ANO2: variants seen among roughly 807,000 people sequenced by gnomAD.
ANO2 encodes anoctamin 2, also known as anoctamin-2.
A neutral mutation model predicts 124.2 loss-of-function variants in ANO2; 101 were observed. That is an observed-to-expected ratio of 0.81 (90% CI 0.69 to 0.96). The LOEUF (loss-of-function observed/expected upper bound fraction) is 0.96. Among genes scored for constraint, ANO2 ranks in the 40% least tolerant of loss-of-function variants. ANO2 has a pLI of 0.00. For synonymous variants in ANO2, 486 were observed against 482.5 expected, an observed-to-expected ratio of 1.01 and a Z score of -0.09; for missense variants, 1,293 against 1,274.5, an observed-to-expected ratio of 1.01 and a Z score of -0.22.
rs112119370 is a variant in ANO2, at chr12:5,714,251, G to A, written c.1545+18269C>T. Among the ~76,000 whole-genome samples, 766 of 152,282 alleles carry A rather than the reference G, an allele frequency of 5.0e-3. 8 individuals are homozygous for A. Among genetic ancestry groups the A allele is most frequent in the Non-Finnish European group, 5.2e-3 (355 of 68,020 alleles). On this transcript the variant is annotated intron_variant, in intron 14 of 24. Coordinates refer to ENST00000682330, the MANE Select transcript of ANO2 (RefSeq NM_001364791.2). Reference sequence around the variant, plus strand: ...GACCTCAATCTCTGCTTATGTGTCCGAGTCTCTGAGTCTAAAGGAAGGTCA... The same window carrying A: ...GACCTCAATCTCTGCTTATGTGTCCAAGTCTCTGAGTCTAAAGGAAGGTCA...
intron 10 of ANO2, among the ~76,000 whole-genome samples, chr12:5,761,885 C>T (rs1399079665): frequency 1.3e-5 from 2 of 152,090 alleles, no homozygotes; most frequent in African/African-American, 4.8e-5. Flanking sequence ...TATTTAACTT[C>T]AGAGTTCTTG....
chr12:5,576,104 TCTGA>T, intron 22 of ANO2, 89 bp from the exon 23 acceptor site: 1 of 1,319,244 alleles, frequency 7.6e-7, no homozygotes, highest in Non-Finnish European at 1.0e-6. Context: ...AAGGAGCTGC[TCTGA>T]CTGATACAGA....
intron 1 of ANO2, among the ~76,000 whole-genome samples, chr12:5,931,460 G>C (rs1337009337): frequency 6.6e-6 from 1 of 151,972 alleles, no homozygotes; most frequent in Non-Finnish European, 1.5e-5. Flanking sequence ...TCAAGCCCTG[G>C]GTAATCACAA....
chr12:5,769,237 C>T lies in ANO2; in HGVS notation c.1056-18267G>A, dbSNP rs979611325. 1.2e-4 allele frequency among the ~76,000 whole-genome samples: 18 copies of T among 152,106 alleles called. No homozygotes were observed. Among genetic ancestry groups the T allele is most frequent in the Non-Finnish European group, 1.6e-4 (11 of 68,004 alleles). ...AGAAGGTTTCCAAATAAAGAGCCAT[C>T]GTATGGAGCAAGGGAGGCTGCAGAG... On this transcript the variant is annotated intron_variant, in intron 10 of 24. Transcript: ENST00000682330. This position sits in a 1 kb window ranked among gnomAD's most constrained non-coding sequence, Gnocchi z 4.0.
chr12:5,851,731 A>G (rs1954916796), intron 4 of ANO2, among the ~76,000 whole-genome samples: 1 of 151,906 alleles, frequency 6.6e-6, no homozygotes, highest in South Asian at 2.1e-4. Context: ...TAGAGTGTGC[A>G]AAGAACAGAG....
At chr12:5,673,884 G>A (rs1229847720) in intron 14 of ANO2, among the ~76,000 whole-genome samples, 1 of 152,200 alleles carries the variant, frequency 6.6e-6, no homozygotes, top group African/African-American at 2.4e-5. Context: ...GGACAAAGCT[G>A]AGCTGGAAGA....
intron 1 of ANO2, among the ~76,000 whole-genome samples, chr12:5,937,179 A>G (rs191177771): frequency 6.6e-6 from 1 of 152,316 alleles, no homozygotes; most frequent in East Asian, 1.9e-4. Flanking sequence ...TTCCACCAAC[A>G]GTGTATAAGG....
At chr12:5,875,199 T>A (rs1053353811) in intron 3 of ANO2, among the ~76,000 whole-genome samples, 10 of 152,200 alleles carry the variant, frequency 6.6e-5, no homozygotes, top group African/African-American at 2.4e-4. Context: ...AGGTGTCCAA[T>A]AAATGCTTGT....
At chr12:5,605,864 C>T (rs1296104152) in intron 19 of ANO2, among the ~76,000 whole-genome samples, 2 of 152,116 alleles carry the variant, frequency 1.3e-5, no homozygotes, top group Admixed American at 6.5e-5. Flanking sequence ...GAAGGAGATG[C>T]GTATGAACAT....
intron 3 of ANO2, among the ~76,000 whole-genome samples, chr12:5,859,478 G>C (rs1389826620): frequency 2.0e-5 from 3 of 152,058 alleles, no homozygotes; most frequent in Non-Finnish European, 4.4e-5. Flanking sequence ...TGAGTACTGT[G>C]GCCAAAGGAA....
intron 7 of ANO2, among the ~76,000 whole-genome samples, chr12:5,814,455 T>C (rs773432894): frequency 6.6e-6 from 1 of 152,256 alleles, no homozygotes; most frequent in African/African-American, 2.4e-5. Flanking sequence ...TCCTCAAATA[T>C]TACATCAGGA....
chr12:5,684,940 G>A (rs1426548881), intron 14 of ANO2, among the ~76,000 whole-genome samples: 1 of 152,156 alleles, frequency 6.6e-6, no homozygotes, highest in Non-Finnish European at 1.5e-5. Context: ...CTGTTTTGGT[G>A]AGCTGCTGTT....
At chr12:5,835,449 G>A (rs898295480) in intron 4 of ANO2, among the ~76,000 whole-genome samples, 13 of 152,194 alleles carry the variant, frequency 8.5e-5, no homozygotes, top group African/African-American at 2.4e-4. Context: ...GTAAGAAGAC[G>A]AAGAGTAAGC....
At chr12:5,852,110 G>T (rs1954930203) in intron 4 of ANO2, among the ~76,000 whole-genome samples, 1 of 152,092 alleles carries the variant, frequency 6.6e-6, no homozygotes, top group South Asian at 2.1e-4. Flanking sequence ...AGGAGATAGG[G>T]TTGGCCAAAA....
chr12:5,760,188 CA>C (rs1265674205), intron 10 of ANO2, among the ~76,000 whole-genome samples: 5 of 152,116 alleles, frequency 3.3e-5, no homozygotes, highest in Non-Finnish European at 2.9e-5. Context: ...CTTTTGAAAA[CA>C]AAATTTACCA....
chr12:5,908,442 T>C lies in ANO2; in HGVS notation c.534+12598A>G, dbSNP rs948951006. 6.6e-6 allele frequency among the ~76,000 whole-genome samples: 1 copy of C among 152,064 alleles called. No homozygotes were observed. Among genetic ancestry groups the C allele is most frequent in the Non-Finnish European group, 1.5e-5 (1 of 68,034 alleles). On this transcript the variant is annotated intron_variant, in intron 3 of 24. Coordinates refer to ENST00000682330, the MANE Select transcript of ANO2 (RefSeq NM_001364791.2). The surrounding 1 kb of genome is among the most constrained non-coding windows in gnomAD (Gnocchi z 4.7). ...GTAATACGAACACCAGCAGTCACCC[T>C]ATCCAAGCCGAGAGTCCGACTGCCC...
intron 20 of ANO2, among the ~76,000 whole-genome samples, chr12:5,589,765 C>T (rs992438659): frequency 2.6e-5 from 4 of 152,106 alleles, no homozygotes; most frequent in African/African-American, 9.7e-5. Flanking sequence ...TGAGAAGGCG[C>T]AGGCAAGCCC....
chr12:5,926,190 G>A lies in ANO2; in HGVS notation c.23-3386C>T, dbSNP rs1056016930. On this transcript the variant is annotated intron_variant, in intron 1 of 24. Transcript: ENST00000682330. The stretch of plus-strand genomic sequence containing the variant: ...CTTCCTCATGCCCCATGTCCAATTT[G>A]GTACCGATCCTATAAACTTTACCCC... 3.9e-5 allele frequency among the ~76,000 whole-genome samples: 6 copies of A among 152,118 alleles called. No homozygotes were observed. The South Asian group carries it at 1.2e-3, about 32-fold the overall frequency.
intron 3 of ANO2, among the ~76,000 whole-genome samples, chr12:5,878,674 T>C (rs561923257): frequency 2.2e-4 from 34 of 152,240 alleles, no homozygotes; most frequent in Non-Finnish European, 3.8e-4. Flanking sequence ...AGATCATCGA[T>C]CCCTCAATGA....
Sources: gnomAD v4.1 joint callset for allele counts (sites outside exome capture counted in the v4.1 genomes callset) on GRCh38, gnomAD v4.1.1 for gene constraint, Gnocchi (gnomAD v3.1) non-coding constraint, MANE v1.5 for transcripts, NCBI Gene and HGNC (gene_info 2026-07-23, HGNC 2026-07-21) for gene names.